SATL1: variants seen among roughly 807,000 people sequenced by gnomAD.
SATL1 encodes the protein spermidine/spermine N(1)-acetyltransferase-like protein 1.
SATL1 carries 47 observed loss-of-function variants against 51.8 expected under a neutral mutation model. The observed-to-expected ratio is 0.91, with a 90% confidence interval of 0.72 to 1.16. The LOEUF is 1.16. SATL1 is among the 50% of genes most tolerant of loss of function. SATL1 has a pLI of 0.00. For synonymous variants in SATL1, 176 were observed against 182.4 expected, an observed-to-expected ratio of 0.97 and a Z score of 0.28; for missense variants, 520 against 526.4, an observed-to-expected ratio of 0.99 and a Z score of 0.12.
At chrX:85,124,205 G>T (rs746670321) in intron 2 of SATL1, among the ~76,000 whole-genome samples, 12 of 110,867 alleles carry the variant, frequency 1.1e-4, no homozygotes, top group African/African-American at 3.6e-4. Context: ...CCTTTGTTTT[G>T]TCACTTTTTA....
In SATL1 at chrX:85,129,814, G is replaced by T. The variant is rs768338826; in HGVS notation, c.-312-20534C>A. Among the ~76,000 whole-genome samples, 109 of 111,202 alleles carry T rather than the reference G, an allele frequency of 9.8e-4. 1 individual carries two copies. The highest frequency in any genetic ancestry group is 3.3e-3 in the African/African-American group (101 of 30,639). On this transcript the variant is annotated intron_variant, in intron 2 of 7. Transcript: ENST00000644105. ...TAAATAGCTCTTATTATTTTGAGAT[G>T]CGTTCCATCAGTACCTAGTTTATTG...
At chrX:85,153,014 G>T (rs1341341754) in intron 2 of SATL1, among the ~76,000 whole-genome samples, 3 of 109,084 alleles carry the variant, frequency 2.8e-5, no homozygotes, top group Non-Finnish European at 5.7e-5. Flanking sequence ...AAAATACATC[G>T]ACATTTCTAT....
intron 2 of SATL1, among the ~76,000 whole-genome samples, chrX:85,126,207 C>T (rs754181892): frequency 9.0e-6 from 1 of 111,089 alleles, no homozygotes; most frequent in East Asian, 2.8e-4. Flanking sequence ...TCTTCCCTAT[C>T]ATCCATCACC....
chrX:85,210,597 A>G (rs1344593212), intron 2 of SATL1: 1 of 110,217 alleles, frequency 9.1e-6, no homozygotes, highest in Non-Finnish European at 1.9e-5. Context: ...TTGCCTGATA[A>G]GAGAAAGAAG....
chrX:85,190,452 A>G (rs1404913045), intron 2 of SATL1, among the ~76,000 whole-genome samples: 3 of 111,578 alleles, frequency 2.7e-5, no homozygotes, highest in Non-Finnish European at 5.7e-5. Flanking sequence ...TTTTCCCACT[A>G]ATAGGCAAAA....
Position 85,092,423 on chromosome X carries a change from C to A in SATL1, c.2056G>T (p.Glu686Ter). The A allele has an allele frequency of 8.4e-7, 1 of 1,184,267 alleles. No homozygotes were observed. The highest frequency in any genetic ancestry group is 1.1e-6 in the Non-Finnish European group (1 of 881,706). The stretch of plus-strand genomic sequence containing the variant: ...TCCCATGCCATGTCCAGGAGTTCTT[C>A]TCTGTTAAACCTGAAGAGATGCCAG... ...EGWHLFRFNR[E>*]ELLDMAWEE is the part of the protein sequence containing the mutation. Residue 686 changes from glutamate (E) to a stop codon, truncating the protein, a stop_gained, in exon 8 of 8, where the codon GAA (glutamate) becomes TAA (stop). Transcript: ENST00000644105. LOFTEE classifies it high-confidence loss of function.
At chrX:85,139,112 G>A (rs757807225) in intron 2 of SATL1, among the ~76,000 whole-genome samples, 14 of 111,256 alleles carry the variant, frequency 1.3e-4, no homozygotes, top group Non-Finnish European at 2.5e-4. Flanking sequence ...ATCATAAGGA[G>A]ACTTTCACTT....
At chrX:85,212,379 T>G (rs1234527371) in intron 2 of SATL1, among the ~76,000 whole-genome samples, 2 of 111,651 alleles carry the variant, frequency 1.8e-5, no homozygotes, top group African/African-American at 6.5e-5. Context: ...CTTCATTTAT[T>G]TAAGTATCAT....
chrX:85,156,071 T>C (rs1004625739), intron 2 of SATL1, among the ~76,000 whole-genome samples: 1 of 111,058 alleles, frequency 9.0e-6, no homozygotes, highest in African/African-American at 3.3e-5. Context: ...GTAAAATTCT[T>C]TCAGCTTTGC....
At chrX:85,161,571 A>T (rs1848023207) in intron 2 of SATL1, among the ~76,000 whole-genome samples, 1 of 111,327 alleles carries the variant, frequency 9.0e-6, no homozygotes, top group African/African-American at 3.3e-5. Flanking sequence ...ACAGACAAAG[A>T]AGGGAACTAC....
intron 2 of SATL1, among the ~76,000 whole-genome samples, chrX:85,137,649 T>C (rs1459533573): frequency 8.9e-6 from 1 of 111,843 alleles, no homozygotes; most frequent in Non-Finnish European, 1.9e-5. Context: ...TTTTGGTATT[T>C]ATCCTGCTTA....
At chrX:85,199,815 GT>G (rs770420936) in intron 2 of SATL1, among the ~76,000 whole-genome samples, 1 of 111,921 alleles carries the variant, frequency 8.9e-6, no homozygotes, top group East Asian at 2.8e-4. Context: ...AAGGGTAGTG[GT>G]TGGGGGATTG....
chrX:85,135,535 G>A (rs1413227450), intron 2 of SATL1, among the ~76,000 whole-genome samples: 1 of 108,167 alleles, frequency 9.2e-6, no homozygotes, highest in African/African-American at 3.4e-5. Flanking sequence ...AAAATAAAAT[G>A]CATTTGCTTT....
intron 2 of SATL1, among the ~76,000 whole-genome samples, chrX:85,216,309 C>G (rs1928041771): frequency 9.0e-6 from 1 of 110,986 alleles, no homozygotes; most frequent in African/African-American, 3.3e-5. Flanking sequence ...GATCAAATTT[C>G]AACATGAGAT....
intron 3 of SATL1, among the ~76,000 whole-genome samples, chrX:85,104,902 T>C (rs1413775659): frequency 9.0e-6 from 1 of 111,570 alleles, no homozygotes; most frequent in East Asian, 2.8e-4. Flanking sequence ...CCATGGTTGT[T>C]TGAATCTACA....
intron 2 of SATL1, among the ~76,000 whole-genome samples, chrX:85,158,169 C>A (rs1474788083): frequency 2.4e-4 from 26 of 109,946 alleles, no homozygotes; most frequent in Non-Finnish European, 1.9e-5. Context: ...TCAGCTAGCT[C>A]ACACACACAA....
chrX:85,197,717 AATTCCCACCT>A (rs1927600799), intron 2 of SATL1, among the ~76,000 whole-genome samples: 1 of 98,558 alleles, frequency 1.0e-5, no homozygotes, highest in African/African-American at 3.8e-5. Flanking sequence ...CTCATTGTTC[AATTCCCACCT>A]ATGAGTGAGA....
At chrX:85,169,062 C>G (rs932734515) in intron 2 of SATL1, among the ~76,000 whole-genome samples, 1 of 112,243 alleles carries the variant, frequency 8.9e-6, no homozygotes, top group African/African-American at 3.2e-5. Context: ...GGTTAAGTGG[C>G]TAGCCACATG....
chrX:85,169,372 T>C (rs1602887062), intron 2 of SATL1, among the ~76,000 whole-genome samples: 1 of 111,527 alleles, frequency 9.0e-6, no homozygotes, highest in African/African-American at 3.3e-5. Context: ...AAGCTGCATC[T>C]GACAAAGGTC....
Sources: gnomAD v4.1 joint callset for allele counts (sites outside exome capture counted in the v4.1 genomes callset) on GRCh38, gnomAD v4.1.1 for gene constraint, MANE v1.5 for transcripts, NCBI Gene and HGNC (gene_info 2026-07-23, HGNC 2026-07-21) for gene names.